Variants in CNIH1 observed in about 807,000 individuals in gnomAD.
The protein encoded by CNIH1 is protein cornichon homolog 1.
In CNIH1, 12 loss-of-function variants were observed where a neutral mutation model predicts 20.2. The ratio of observed to expected loss-of-function variants is 0.59; its 90% CI spans 0.38 to 0.96. The LOEUF (loss-of-function observed/expected upper bound fraction) is 0.96. Among genes scored for constraint, CNIH1 ranks in the 40% least tolerant of loss-of-function variants. The pLI is 0.00. For missense variants in CNIH1, 152 were observed against 178.8 expected (o/e 0.85, Z 0.85); for synonymous variants, 69 against 63.3 (o/e 1.09, Z -0.43).
At chr14:54,434,027 T>A (rs2031000271) in intron 2 of CNIH1, among the ~76,000 whole-genome samples, 1 of 152,060 alleles carries the variant, frequency 6.6e-6, no homozygotes, top group Non-Finnish European at 1.5e-5. Flanking sequence ...GAACCAAGGT[T>A]CAAACAGAAA....
intron 1 of CNIH1, among the ~76,000 whole-genome samples, chr14:54,439,662 G>A (rs2358665): frequency 0.26 from 39,361 of 151,212 alleles, 5,873 homozygotes; most frequent in African/African-American, 0.39. Context: ...ATTCTCCTCC[G>A]CCTCAGCCTC....
At chr14:54,435,005 T>C (rs1472770413) in intron 2 of CNIH1, among the ~76,000 whole-genome samples, 2 of 152,228 alleles carry the variant, frequency 1.3e-5, no homozygotes, top group African/African-American at 2.4e-5. Context: ...AAACTAACTT[T>C]CTAGATGCTT....
Position 54,427,510 on chromosome 14 carries a change from G to T in CNIH1, c.*304C>A. Reference sequence around the variant, plus strand: ...TGTACTAGGACAGTCAGTAATTAATGCATCATTCAGAGGATTATGGCTGTT... The same window carrying T: ...TGTACTAGGACAGTCAGTAATTAATTCATCATTCAGAGGATTATGGCTGTT... On this transcript the variant is annotated 3_prime_UTR_variant, in exon 5 of 5. Coordinates refer to ENST00000216416, the MANE Select transcript of CNIH1 (RefSeq NM_005776.3). The T allele has an allele frequency of 2.9e-6, 1 of 344,480 alleles. No individual in the cohort carries two copies. Among genetic ancestry groups the T allele is most frequent in the Non-Finnish European group, 5.3e-6 (1 of 190,446 alleles). The allele number at this position is 344,480 out of a possible 1,614,324, so 21.3% of individuals were successfully genotyped here.
At chr14:54,440,937 G>C (rs61985936) in intron 1 of CNIH1, among the ~76,000 whole-genome samples, 2 of 151,994 alleles carry the variant, frequency 1.3e-5, no homozygotes, top group African/African-American at 4.8e-5. Context: ...CGGGCCGGCA[G>C]AGGTCGGTGC....
rs2030853560 is a variant in CNIH1, at chr14:54,427,717, C to A, written c.*97G>T. The A allele has an allele frequency of 3.2e-6, 4 of 1,249,106 alleles. No homozygotes were observed. The highest frequency in any genetic ancestry group is 1.4e-5 in the South Asian group (1 of 73,816). The allele number at this position is 1,249,106 out of a possible 1,614,324, so 77.4% of individuals were successfully genotyped here. A position where few individuals can be genotyped will look rare whatever the true frequency, so the allele number is the denominator to read the frequency against. On this transcript the variant is annotated 3_prime_UTR_variant, in exon 5 of 5. Transcript: ENST00000216416. ...TTTTTTAAAGTAACTGATCAGATTC[C>A]ACAGGCTACTCTTGGACAGGATCTT... is the stretch of plus-strand genomic sequence containing the variant.
In CNIH1 at chr14:54,441,350, G is replaced by GC; in HGVS notation, c.-24dup. Reference sequence around the variant, plus strand: ...CATGGCTGGGGAGGAGGAGCGGGGAGCGGCGCCGTTGCCAGCGGAGAAAGG... The same window carrying GC: ...CATGGCTGGGGAGGAGGAGCGGGGAGCCGGCGCCGTTGCCAGCGGAGAAAGG... On this transcript the variant is annotated 5_prime_UTR_variant, in exon 1 of 5. Coordinates refer to ENST00000216416, the MANE Select transcript of CNIH1 (RefSeq NM_005776.3). 1 of 1,485,424 alleles carries GC rather than the reference G, an allele frequency of 6.7e-7. No individual in the cohort carries two copies. Among genetic ancestry groups the GC allele is most frequent in the South Asian group, 1.3e-5 (1 of 78,280 alleles). 92.0% of individuals were successfully genotyped at this position (1,485,424 alleles called of 1,614,324 possible).
rs980187891 is a variant in CNIH1 at position 54,430,115 on chromosome 14, T to G, written c.407+146A>C. 3.9e-6 allele frequency: 3 copies of G among 772,976 alleles called. No homozygotes were observed. In the African/African-American group the frequency reaches 5.2e-5, roughly 13 times the overall value. 47.9% of individuals were successfully genotyped at this position (772,976 alleles called of 1,614,324 possible). ...AAGCACCAGTGTGGGCCACACTGAA[T>G]GTGTGCGAATTTGCTGGTGTGCACC... On this transcript the variant is annotated intron_variant, in intron 4 of 4. Transcript: ENST00000216416.
intron 1 of CNIH1, among the ~76,000 whole-genome samples, chr14:54,438,036 GT>G (rs930702652): frequency 6.6e-6 from 1 of 150,810 alleles, no homozygotes; most frequent in African/African-American, 2.4e-5. Flanking sequence ...CTGGAGTGCA[GT>G]GGCACAATCT....
intron 4 of CNIH1, among the ~76,000 whole-genome samples, chr14:54,428,309 C>T (rs1234565677): frequency 6.6e-6 from 1 of 152,008 alleles, no homozygotes; most frequent in Non-Finnish European, 1.5e-5. Context: ...GGATCTTTCC[C>T]ATTACAGAAA....
chr14:54,440,545 G>C (rs1594620902), intron 1 of CNIH1, among the ~76,000 whole-genome samples: 1 of 152,132 alleles, frequency 6.6e-6, no homozygotes, highest in African/African-American at 2.4e-5. Context: ...AAAATCAAAT[G>C]AAAACTCCCT....
Position 54,424,466 on chromosome 14 carries a change from T to C in CNIH1, c.*3348A>G, listed in dbSNP as rs912212471. On this transcript the variant is annotated 3_prime_UTR_variant, in exon 5 of 5. Transcript: ENST00000216416. ...TATTTGAGTGGGCTTGATACACTGC[T>C]AGGATATAACCACACCTAAGGTGAA... 1.3e-5 allele frequency: 2 copies of C among 152,218 alleles called. No homozygotes were observed. Among genetic ancestry groups the C allele is most frequent in the East Asian group, 3.9e-4 (2 of 5,194 alleles). 9.4% of individuals were successfully genotyped at this position (152,218 alleles called of 1,614,324 possible). A position where few individuals can be genotyped will look rare whatever the true frequency, so the allele number is the denominator to read the frequency against.
intron 2 of CNIH1, among the ~76,000 whole-genome samples, chr14:54,433,786 T>C (rs1566717086): frequency 6.6e-6 from 1 of 152,166 alleles, no homozygotes; most frequent in African/African-American, 2.4e-5. Context: ...ATGGAAAGAA[T>C]GATTTTGAAA....
At position 54,432,224 on chromosome 14, in the gene CNIH1, G is replaced by A; in HGVS notation, c.151-4C>T. On this transcript the variant is annotated splice_polypyrimidine_tract_variant and splice_region_variant and intron_variant, in intron 2 of 4. Coordinates refer to ENST00000216416, the MANE Select transcript of CNIH1 (RefSeq NM_005776.3). ...TGAGGTACTCTGGGAGTACAAGCTGGAAGGAAAACACAAGCCAGTTATCAA... is the reference window on the plus strand; with the variant it reads ...TGAGGTACTCTGGGAGTACAAGCTGAAAGGAAAACACAAGCCAGTTATCAA... 6.7e-7 allele frequency: 1 copy of A among 1,500,956 alleles called. No individual in the cohort carries two copies. The highest frequency in any genetic ancestry group is 9.0e-7 in the Non-Finnish European group (1 of 1,113,110). 93.0% of individuals were successfully genotyped at this position (1,500,956 alleles called of 1,614,324 possible).
At chr14:54,429,113 T>C (rs934241127) in intron 4 of CNIH1, among the ~76,000 whole-genome samples, 1 of 152,224 alleles carries the variant, frequency 6.6e-6, no homozygotes, top group African/African-American at 2.4e-5. Context: ...TGTGTAAAAG[T>C]ATATTCACAT....
At chr14:54,441,161 G>T in intron 1 of CNIH1, 86 bp downstream of exon 1, 1 of 1,321,914 alleles carries the variant, frequency 7.6e-7, no homozygotes, top group Non-Finnish European at 9.9e-7. Context: ...AAGCCCCGGC[G>T]GCCGTGGCGG....
At position 54,430,492 on chromosome 14, in the gene CNIH1, C is replaced by T. The variant is rs1027529365; in HGVS notation, c.264-88G>A. ...GGTCTTTCTTCTAAAACATCTGTTA[C>T]GAGAGGTGGTCCATAAAGGGAAGCA... is the stretch of plus-strand genomic sequence containing the variant. On this transcript the variant is annotated intron_variant, in intron 3 of 4. Coordinates refer to ENST00000216416, the MANE Select transcript of CNIH1 (RefSeq NM_005776.3). 98 of 1,277,236 alleles carry T rather than the reference C, an allele frequency of 7.7e-5. 1 individual carries two copies. In the South Asian group the frequency reaches 1.3e-3, roughly 17 times the overall value. 79.1% of individuals were successfully genotyped at this position (1,277,236 alleles called of 1,614,324 possible). A position where few individuals can be genotyped will look rare whatever the true frequency, so the allele number is the denominator to read the frequency against.
intron 3 of CNIH1, among the ~76,000 whole-genome samples, chr14:54,431,247 C>T (rs1484360960): frequency 1.3e-5 from 2 of 152,098 alleles, no homozygotes; most frequent in South Asian, 2.1e-4. Flanking sequence ...TCTGCCTCAG[C>T]TTCCCAAGTA....
chr14:54,430,016 G>A, intron 4 of CNIH1: 1 of 467,842 alleles, frequency 2.1e-6, no homozygotes, highest in Non-Finnish European at 3.9e-6. Context: ...GACTGAATGT[G>A]TCTGAAAACT....
At chr14:54,428,145 G>A (rs994453847) in intron 4 of CNIH1, among the ~76,000 whole-genome samples, 3 of 152,154 alleles carry the variant, frequency 2.0e-5, no homozygotes, top group African/African-American at 7.2e-5. Flanking sequence ...CTCTGGAGTT[G>A]TGTCTAATAA....
Sources: allele counts gnomAD v4.1 joint callset (sites outside exome capture counted in the v4.1 genomes callset), GRCh38; gene constraint gnomAD v4.1.1; transcripts MANE v1.5; gene names NCBI Gene and HGNC (gene_info 2026-07-23, HGNC 2026-07-21).